The following AOC1 variants were observed in gnomAD, a reference collection of about 807,000 sequenced individuals.
AOC1 encodes amine oxidase copper containing 1, also known as diamine oxidase [copper-containing].
AOC1 carries 58 observed loss-of-function variants against 57.1 expected under a neutral mutation model. That is an observed-to-expected ratio of 1.02 (90% confidence interval 0.82 to 1.26). The LOEUF is 1.26. Among genes scored for constraint, AOC1 ranks in the 50% most tolerant of loss-of-function variants. The pLI is 0.00. For missense variants in AOC1, 917 were observed against 1,005.3 expected (o/e 0.91, Z 1.19); for synonymous variants, 401 against 423.4 (o/e 0.95, Z 0.65).
intron 3 of AOC1, 92 bp from the exon 4 acceptor site, chr7:150,860,409 C>T (rs1175336542): frequency 1.3e-6 from 2 of 1,595,868 alleles, no homozygotes; most frequent in Non-Finnish European, 1.7e-6. Context: ...CAATCATCTT[C>T]CTCTATTCTG....
In AOC1 at chr7:150,859,015, G is replaced by T. The variant is rs1415888044; in HGVS notation, c.1823G>T (p.Gly608Val). Residue 608 changes from glycine to valine, a missense_variant, in exon 3 of 5, where the codon GGC (glycine) becomes GTC (valine). Transcript: ENST00000360937. Reference sequence around the variant, plus strand: ...ATGGCCGACCAGGTGCTGCCCCCAGGCTGGCAGGAGGAGCAGGCCATCACC... The same window carrying T: ...ATGGCCGACCAGGTGCTGCCCCCAGTCTGGCAGGAGGAGCAGGCCATCACC... ...HSMADQVLPP[G>V]WQEEQAITWA... is the part of the protein sequence containing the mutation. The T allele has an allele frequency of 2.5e-6, 4 of 1,587,358 alleles. No homozygotes were observed. Among genetic ancestry groups the T allele is most frequent in the Admixed American group, 1.7e-5 (1 of 58,366 alleles).
chr7:150,858,192 T>G, intron 2 of AOC1, 152 bp downstream of exon 2: 1 of 1,168,948 alleles, frequency 8.6e-7, no homozygotes, highest in East Asian at 2.5e-5. Context: ...GAAATTTGTG[T>G]GTCCCTGAAA....
intron 3 of AOC1, among the ~76,000 whole-genome samples, chr7:150,859,646 T>A (rs1799906525): frequency 7.4e-6 from 1 of 134,272 alleles, no homozygotes; most frequent in Non-Finnish European, 1.5e-5. Context: ...GAGCTTGCAG[T>A]GAGCCGAGAT....
intron 1 of AOC1, among the ~76,000 whole-genome samples, chr7:150,853,691 ATATATATTTATT>A (rs968220219): frequency 4.1e-5 from 1 of 24,552 alleles, no homozygotes; most frequent in African/African-American, 4.6e-4. Context: ...ATATATATAT[ATATATATTTATT>A]TATTTATTTA....
At chr7:150,855,482 G>C (rs763480373) in intron 1 of AOC1, among the ~76,000 whole-genome samples, 1 of 152,176 alleles carries the variant, frequency 6.6e-6, no homozygotes, top group Non-Finnish European at 1.5e-5. Flanking sequence ...AGCTGCTTGG[G>C]GAATGGGGTT....
chr7:150,858,491 T>C (rs989854188), intron 2 of AOC1, among the ~76,000 whole-genome samples: 1 of 152,002 alleles, frequency 6.6e-6, no homozygotes, highest in Non-Finnish European at 1.5e-5. Flanking sequence ...CCCAGTCACC[T>C]CTCTGGACAG....
At chr7:150,854,527 G>A (rs1357637617) in intron 1 of AOC1, among the ~76,000 whole-genome samples, 1 of 152,178 alleles carries the variant, frequency 6.6e-6, no homozygotes, top group Admixed American at 6.5e-5. Flanking sequence ...TTCCTCGGCA[G>A]TGCGGGGTTT....
intron 2 of AOC1, among the ~76,000 whole-genome samples, chr7:150,858,471 AC>A (rs1411613742): frequency 2.6e-5 from 4 of 152,046 alleles, no homozygotes; most frequent in African/African-American, 9.7e-5. Context: ...GGCGGCTCCT[AC>A]CCCTCAGCCC....
At position 150,858,856 on chromosome 7, in the gene AOC1, A is replaced by G; in HGVS notation, c.1664A>G (p.Glu555Gly). 6.2e-7 allele frequency: 1 copy of G among 1,613,980 alleles called. No individual in the cohort carries two copies. The highest frequency in any genetic ancestry group is 8.5e-7 in the Non-Finnish European group (1 of 1,179,912). Residue 555 changes from glutamate to glycine, a missense_variant, in exon 3 of 5, where the codon GAG (glutamate) becomes GGG (glycine). Coordinates refer to ENST00000360937, the MANE Select transcript of AOC1 (RefSeq NM_001091.4). ...PRHRVVQPTL[E>G]QTQYSWERQA... ...CACCGCGTGGTCCAGCCAACTCTGGAGCAGACGCAGTACTCCTGGGAGCGC... is the reference window on the plus strand; with the variant it reads ...CACCGCGTGGTCCAGCCAACTCTGGGGCAGACGCAGTACTCCTGGGAGCGC...
rs1291810818 is a variant in AOC1, at chr7:150,857,178, G to A, written c.708G>A (p.Val236=). 6.2e-7 allele frequency: 1 copy of A among 1,613,644 alleles called. No homozygotes were observed. Among genetic ancestry groups the A allele is most frequent in the Admixed American group, 1.7e-5 (1 of 59,992 alleles). ...CTGGGCACTGGGCCGTGGAGCAGGT[G>A]TGGTACAACGGGAAGTTCTATGGGA... is the stretch of plus-strand genomic sequence containing the variant. ...TDAGHWAVEQ[V]WYNGKFYGSP... The change falls in exon 2 of 5, where the codon GTG becomes GTA. Residue 236 remains valine (V), a synonymous_variant. Transcript: ENST00000360937. This position sits in a 1 kb window ranked among gnomAD's most constrained non-coding sequence, Gnocchi z 6.6.
chr7:150,858,741 C>T (rs774212140), intron 2 of AOC1, 22 bp from the exon 3 acceptor site: 1 of 1,575,722 alleles, frequency 6.3e-7, no homozygotes, highest in Non-Finnish European at 8.7e-7. Flanking sequence ...TTCTCGTTCT[C>T]CTTCTCCCTG....
chr7:150,858,460 G>A (rs1424092193), intron 2 of AOC1, among the ~76,000 whole-genome samples: 1 of 152,124 alleles, frequency 6.6e-6, no homozygotes, highest in Non-Finnish European at 1.5e-5. Flanking sequence ...AGGACCACAC[G>A]GGCGGCTCCT....
rs868303167 is a variant in AOC1 at position 150,856,663 on chromosome 7, G to A, written c.193G>A (p.Ala65Thr). The A allele has an allele frequency of 6.2e-7, 1 of 1,614,018 alleles. No individual in the cohort carries two copies. Among genetic ancestry groups the A allele is most frequent in the Non-Finnish European group, 8.5e-7 (1 of 1,179,990 alleles). The change falls in exon 2 of 5, where the codon GCC (alanine) becomes ACC (threonine). Residue 65 changes from alanine (A) to threonine (T), a missense_variant. Physicochemically the swap from Ala to Thr is moderately conservative, Grantham distance 58 (BLOSUM62 0). Coordinates refer to ENST00000360937, the MANE Select transcript of AOC1 (RefSeq NM_001091.4). The surrounding 1 kb of genome is among the most constrained non-coding windows in gnomAD (Gnocchi z 5.2). ...RLQPSSTTTM[A>T]KNTVFLIEML... ...GCAGCCCTCCAGTACCACCACCATG[G>A]CCAAGAACACCGTGTTTCTCATCGA... is the stretch of plus-strand genomic sequence containing the variant.
Position 150,856,578 on chromosome 7 carries a change from A to C in AOC1, c.108A>C (p.Leu36=), listed in dbSNP as rs1196445736. ...GGAAGGCAGGGGTGTTTTCAGACCT[A>C]AGCAACCAAGAGCTGAAGGCAGTGC... ...LPRKAGVFSD[L]SNQELKAVHS... The change falls in exon 2 of 5, where the codon CTA becomes CTC. Residue 36 remains leucine, a synonymous_variant. Coordinates refer to ENST00000360937, the MANE Select transcript of AOC1 (RefSeq NM_001091.4). The surrounding 1 kb of genome is among the most constrained non-coding windows in gnomAD (Gnocchi z 5.2). The C allele has an allele frequency of 3.7e-6, 6 of 1,613,934 alleles. No homozygotes were observed. Among genetic ancestry groups the C allele is most frequent in the Non-Finnish European group, 5.1e-6 (6 of 1,179,972 alleles).
Position 150,856,766 on chromosome 7 carries a change from C to T in AOC1, c.296C>T (p.Ala99Val), listed in dbSNP as rs1297501610. The T allele has an allele frequency of 2.5e-6, 4 of 1,614,140 alleles. No homozygotes were observed. In the East Asian group the frequency reaches 8.9e-5, roughly 36 times the overall value. Residue 99 changes from alanine to valine, a missense_variant, in exon 2 of 5, where the codon GCC (alanine) becomes GTC (valine). By Grantham distance (64) the Ala-to-Val change is moderately conservative (BLOSUM62 0). Coordinates refer to ENST00000360937, the MANE Select transcript of AOC1 (RefSeq NM_001091.4). This position sits in a 1 kb window ranked among gnomAD's most constrained non-coding sequence, Gnocchi z 5.2. ...AGGCATCCTGTGCGGGAAGCCCGTG[C>T]CGTCATCTTCTTTGGTGACCAGGAG... The part of the protein sequence containing the change: ...GERHPVREAR[A>V]VIFFGDQEHP...
chr7:150,855,648 A>AC (rs1799748498), intron 1 of AOC1, among the ~76,000 whole-genome samples: 3 of 151,904 alleles, frequency 2.0e-5, no homozygotes, highest in Admixed American at 2.0e-4. Flanking sequence ...CCTCTACCTC[A>AC]CCCCCAAAGC....
At chr7:150,860,867 A>C in intron 4 of AOC1, 76 bp from the exon 5 acceptor site, 2 of 1,528,862 alleles carry the variant, frequency 1.3e-6, no homozygotes. Context: ...CAGAACTGAA[A>C]ATGACCAAAG....
chr7:150,858,657 C>G, intron 2 of AOC1, 106 bp from the exon 3 acceptor site: 1 of 1,234,080 alleles, frequency 8.1e-7, no homozygotes, highest in African/African-American at 1.5e-5. Flanking sequence ...TTATTCAAGA[C>G]AGTTGGCTGT....
intron 2 of AOC1, 75 bp downstream of exon 2, chr7:150,858,115 C>T (rs1799851910): frequency 4.1e-6 from 6 of 1,471,250 alleles, no homozygotes; most frequent in African/African-American, 1.4e-5. Flanking sequence ...GGAGACGGCA[C>T]TATAACTCCC....
Sources: allele counts gnomAD v4.1 joint callset (sites outside exome capture counted in the v4.1 genomes callset), GRCh38; gene constraint gnomAD v4.1.1; non-coding constraint Gnocchi (gnomAD v3.1); transcripts MANE v1.5; gene names NCBI Gene and HGNC (gene_info 2026-07-23, HGNC 2026-07-21).